Variants in CARS1 observed in about 807,000 individuals in gnomAD.
The protein encoded by CARS1 is cysteine--tRNA ligase, cytoplasmic.
A neutral mutation model predicts 106.2 loss-of-function variants in CARS1; 48 were observed. The ratio of observed to expected loss-of-function variants is 0.45; its 90% confidence interval spans 0.36 to 0.57. CARS1 has a LOEUF of 0.57. Among genes scored for constraint, CARS1 ranks in the 20% least tolerant of loss-of-function variants. The pLI is 0.00. For missense variants in CARS1, 968 were observed against 1,057.2 expected (o/e 0.92, Z 1.17); for synonymous variants, 409 against 403.4 (o/e 1.01, Z -0.17).
At position 3,029,397 on chromosome 11, in the gene CARS1, G is replaced by C. The variant is rs141256158; in HGVS notation, c.848C>G (p.Ser283Cys). ...GTCAGTGACATCACAGCCAAGTGTA[G>C]AATCCAGCCAGTCAGAGAGCAAATC... ...AKDLLSDWLD[S>C]TLGCDVTDNS... The change falls in exon 8 of 23, where the codon TCT becomes TGT. Residue 283 changes from serine to cysteine, a missense_variant. Transcript: ENST00000380525. The surrounding 1 kb of genome is among the most constrained non-coding windows in gnomAD (Gnocchi z 5.9). The C allele has an allele frequency of 1.5e-3, 2,455 of 1,614,066 alleles. 34 individuals carry two copies. In the African/African-American group the frequency reaches 0.028, roughly 19 times the overall value.
At chr11:3,006,769 C>G in intron 19 of CARS1, 110 bp downstream of exon 19, 1 of 904,392 alleles carries the variant, frequency 1.1e-6, no homozygotes, top group Non-Finnish European at 1.8e-6. Context: ...CTTTGGGATT[C>G]TGCATCAGCA....
At chr11:3,025,758 G>A (rs1052175572) in intron 10 of CARS1, among the ~76,000 whole-genome samples, 2 of 152,118 alleles carry the variant, frequency 1.3e-5, no homozygotes, top group Non-Finnish European at 2.9e-5. Context: ...ACCAACGAAA[G>A]GGTTCCCAAT....
chr11:3,033,583 C>G (rs1853170447), intron 7 of CARS1, among the ~76,000 whole-genome samples: 1 of 152,064 alleles, frequency 6.6e-6, no homozygotes, highest in Admixed American at 6.5e-5. Context: ...GCAGCAAAAA[C>G]AGTCAGAGGA....
At chr11:3,007,871 C>G (rs572425226) in intron 18 of CARS1, 1 of 152,276 alleles carries the variant, frequency 6.6e-6, no homozygotes, top group Admixed American at 6.5e-5. Flanking sequence ...TCCCAGCCCA[C>G]GCACAACGCC....
At position 3,052,491 on chromosome 11, in the gene CARS1, TTTAA is replaced by T. The variant is rs1215651029; in HGVS notation, c.26-4494_26-4491del. 2.0e-5 allele frequency among the ~76,000 whole-genome samples: 3 copies of T among 152,242 alleles called. No individual in the cohort carries two copies. Among genetic ancestry groups the T allele is most frequent in the Non-Finnish European group, 4.4e-5 (3 of 68,034 alleles). On this transcript the variant is annotated intron_variant, in intron 1 of 22. Coordinates refer to ENST00000380525, the MANE Select transcript of CARS1 (RefSeq NM_001014437.3). This position sits in a 1 kb window ranked among gnomAD's most constrained non-coding sequence, Gnocchi z 4.6. ...CCTAGGGCTCACACACCCATTTTTATTTAATTAATTTTATTATTTTAAAAGTTTA... is the reference window on the plus strand; with the variant it reads ...CCTAGGGCTCACACACCCATTTTTATTTAATTTTATTATTTTAAAAGTTTA...
At chr11:3,018,573 T>C in intron 13 of CARS1, 47 bp downstream of exon 13, 1 of 1,612,984 alleles carries the variant, frequency 6.2e-7, no homozygotes, top group East Asian at 2.2e-5. Flanking sequence ...CCATTACACA[T>C]GTATGAGAAG....
At chr11:3,025,454 C>T (rs765759780) in intron 10 of CARS1, among the ~76,000 whole-genome samples, 2 of 152,192 alleles carry the variant, frequency 1.3e-5, no homozygotes, top group African/African-American at 4.8e-5. Flanking sequence ...TCTCGAACTC[C>T]CAACCTCAGG....
intron 21 of CARS1, 178 bp downstream of exon 21, chr11:3,002,363 C>A (rs1376598584): frequency 8.2e-7 from 1 of 1,215,898 alleles, no homozygotes; most frequent in Non-Finnish European, 1.1e-6. Flanking sequence ...GCCTTCCCTG[C>A]ACCCCATGTG....
rs533692346 is a variant in CARS1, at chr11:3,050,917, C to T, written c.26-2916G>A. Among the ~76,000 whole-genome samples the T allele has an allele frequency of 6.6e-6, 1 of 152,362 alleles. No homozygotes were observed. Among genetic ancestry groups the T allele is most frequent in the Admixed American group, 6.5e-5 (1 of 15,308 alleles). On this transcript the variant is annotated intron_variant, in intron 1 of 22. Transcript: ENST00000380525. This position sits in a 1 kb window ranked among gnomAD's most constrained non-coding sequence, Gnocchi z 6.3. ...TTCTTTCCTTCACCATCTGCCCCAC[C>T]GCTCCATCTACCTTATTCACTGCTC...
chr11:3,017,229 C>T lies in CARS1; in HGVS notation c.1794G>A (p.Met598Ile), dbSNP rs533460952. The change falls in exon 16 of 23, where the codon ATG becomes ATA. Residue 598 changes from methionine (M) to isoleucine (I), a missense_variant. Physicochemically the swap from Met to Ile is conservative, Grantham distance 10. Transcript: ENST00000380525. The surrounding 1 kb of genome is among the most constrained non-coding windows in gnomAD (Gnocchi z 4.9). ...GACTGACCAAGGCCCGCATCTCTTCCATGACGGTGCGGGTGTCAACATTGT... is the reference window on the plus strand; with the variant it reads ...GACTGACCAAGGCCCGCATCTCTTCTATGACGGTGCGGGTGTCAACATTGT... Reference protein sequence around the residue: ...LCDNVDTRTVMEEMRALVSQC... With the variant: ...LCDNVDTRTVIEEMRALVSQC... 6.2e-7 allele frequency: 1 copy of T among 1,614,166 alleles called. No homozygotes were observed. Among genetic ancestry groups the T allele is most frequent in the Non-Finnish European group, 8.5e-7 (1 of 1,179,994 alleles).
chr11:3,039,515 T>C lies in CARS1; in HGVS notation c.553-223A>G, dbSNP rs1483939843. 2.0e-5 allele frequency among the ~76,000 whole-genome samples: 3 copies of C among 152,174 alleles called. No homozygotes were observed. The highest frequency in any genetic ancestry group is 4.8e-5 in the African/African-American group (2 of 41,450). Reference sequence around the variant, plus strand: ...CTAACATGATCTTTCTGACGCTTAATGAAATGAGCCCTGGGGGCCCCAGCT... The same window carrying C: ...CTAACATGATCTTTCTGACGCTTAACGAAATGAGCCCTGGGGGCCCCAGCT... On this transcript the variant is annotated intron_variant, in intron 5 of 22. Coordinates refer to ENST00000380525, the MANE Select transcript of CARS1 (RefSeq NM_001014437.3). This position sits in a 1 kb window ranked among gnomAD's most constrained non-coding sequence, Gnocchi z 5.6.
At chr11:3,031,071 C>T (rs1852697483) in intron 7 of CARS1, 1 of 152,106 alleles carries the variant, frequency 6.6e-6, no homozygotes, top group South Asian at 2.1e-4. Context: ...GAGAGGGAAT[C>T]GAGTAAAGGT....
intron 18 of CARS1, among the ~76,000 whole-genome samples, chr11:3,010,377 C>G (rs558597485): frequency 2.6e-5 from 4 of 152,244 alleles, no homozygotes; most frequent in Non-Finnish European, 5.9e-5. Context: ...ATGGTCTTCC[C>G]AAGCCCACGA....
rs1854831158 is a variant in CARS1, at chr11:3,044,148, G to C, written c.275-1892C>G. Among the ~76,000 whole-genome samples, 1 of 152,118 alleles carries C rather than the reference G, an allele frequency of 6.6e-6. No homozygotes were observed. The highest frequency in any genetic ancestry group is 6.5e-5 in the Admixed American group (1 of 15,282). On this transcript the variant is annotated intron_variant, in intron 2 of 22. Coordinates refer to ENST00000380525, the MANE Select transcript of CARS1 (RefSeq NM_001014437.3). This position sits in a 1 kb window ranked among gnomAD's most constrained non-coding sequence, Gnocchi z 4.4. The stretch of plus-strand genomic sequence containing the variant: ...TCAATAGGACACTGCTGCCATCTCA[G>C]ACAGCTGGAGACGCTGCCCAGAAAC...
chr11:3,042,174 G>A lies in CARS1; in HGVS notation c.357C>T (p.Thr119=). 6.2e-7 allele frequency: 1 copy of A among 1,613,478 alleles called. No homozygotes were observed. The highest frequency in any genetic ancestry group is 8.5e-7 in the Non-Finnish European group (1 of 1,179,516). ...TCTGTGTTCTCCTTACCTTGTTCCT[G>A]GTGAGGCTGTTGTAAAGGTGGAGTC... ...PCRLHLYNSL[T]RNKEVFIPQD... Residue 119 remains threonine (T), a synonymous_variant, in exon 3 of 23, where the codon ACC becomes ACT. Coordinates refer to ENST00000380525, the MANE Select transcript of CARS1 (RefSeq NM_001014437.3).
chr11:3,048,497 G>A lies in CARS1; in HGVS notation c.26-496C>T, dbSNP rs1855339280. On this transcript the variant is annotated intron_variant, in intron 1 of 22. Coordinates refer to ENST00000380525, the MANE Select transcript of CARS1 (RefSeq NM_001014437.3). This position sits in a 1 kb window ranked among gnomAD's most constrained non-coding sequence, Gnocchi z 5.1. The stretch of plus-strand genomic sequence containing the variant: ...TTGGGAAAGCTACCTACATGATCAT[G>A]GTATCCCTCCTGTCAGCTAAGTATG... 1 of 152,514 alleles carries A rather than the reference G, an allele frequency of 6.6e-6. No homozygotes were observed. The highest frequency in any genetic ancestry group is 1.5e-5 in the Non-Finnish European group (1 of 68,334). 9.4% of individuals were successfully genotyped at this position (152,514 alleles called of 1,614,324 possible).
At chr11:3,033,669 C>A (rs1291419766) in intron 7 of CARS1, among the ~76,000 whole-genome samples, 2 of 151,876 alleles carry the variant, frequency 1.3e-5, no homozygotes, top group Non-Finnish European at 2.9e-5. Flanking sequence ...CAGAATAAAT[C>A]CAAAGGAAAA....
rs1316369258 is a variant in CARS1, at chr11:3,003,119, G to A, written c.2218-519C>T. ...CAACCAGCAGGCAGCACCCGGGCAG[G>A]GGCGAGGACAGTCTGATGCTGCAGG... On this transcript the variant is annotated intron_variant, in intron 20 of 22. Transcript: ENST00000380525. This position sits in a 1 kb window ranked among gnomAD's most constrained non-coding sequence, Gnocchi z 4.8. Among the ~76,000 whole-genome samples the A allele has an allele frequency of 6.6e-6, 1 of 152,206 alleles. No homozygotes were observed. The highest frequency in any genetic ancestry group is 2.4e-5 in the African/African-American group (1 of 41,454).
In CARS1 at chr11:3,048,065, G is replaced by A. The variant is rs780370001; in HGVS notation, c.26-64C>T. 1.3e-6 allele frequency: 2 copies of A among 1,580,112 alleles called. No homozygotes were observed. The highest frequency in any genetic ancestry group is 2.3e-5 in the East Asian group (1 of 44,394). On this transcript the variant is annotated intron_variant, in intron 1 of 22. Transcript: ENST00000380525. The surrounding 1 kb of genome is among the most constrained non-coding windows in gnomAD (Gnocchi z 5.1). ...CGGGCAGCCCAGAGGCCGCCAGAAA[G>A]ACAGGGACTAGGGGATGGCACAGAA... is the stretch of plus-strand genomic sequence containing the variant.
Sources: allele counts gnomAD v4.1 joint callset (sites outside exome capture counted in the v4.1 genomes callset), GRCh38; gene constraint gnomAD v4.1.1; non-coding constraint Gnocchi (gnomAD v3.1); transcripts MANE v1.5; gene names NCBI Gene and HGNC (gene_info 2026-07-23, HGNC 2026-07-21).